The following KAT6A variants were observed in gnomAD, a reference collection of about 807,000 sequenced individuals.
The protein encoded by KAT6A is histone acetyltransferase KAT6A.
In KAT6A, 9 loss-of-function variants were observed where a neutral mutation model predicts 198.4. That is an observed-to-expected ratio of 0.05 (90% CI 0.03 to 0.08). KAT6A has a LOEUF of 0.08. Ranked by LOEUF, KAT6A falls within the 10% of genes least tolerant of loss-of-function variation. The pLI is 1.00. For missense variants in KAT6A, 2,077 were observed against 2,509.9 expected (o/e 0.83, Z 3.69); for synonymous variants, 890 against 883.0 (o/e 1.01, Z -0.14).
At chr8:41,963,435 T>G (rs749199296) in intron 8 of KAT6A, among the ~76,000 whole-genome samples, 2 of 152,216 alleles carry the variant, frequency 1.3e-5, no homozygotes, top group Non-Finnish European at 2.9e-5. Flanking sequence ...CTACTCCAAA[T>G]AGAACACTAG....
intron 8 of KAT6A, among the ~76,000 whole-genome samples, chr8:41,962,481 G>C (rs1248295745): frequency 6.6e-6 from 1 of 151,938 alleles, no homozygotes. Flanking sequence ...ATATCCCAAT[G>C]GGTCTACCTT....
intron 8 of KAT6A, among the ~76,000 whole-genome samples, chr8:41,974,080 A>AT (rs796541449): frequency 0.029 from 4,248 of 146,110 alleles, 161 homozygotes; most frequent in African/African-American, 0.091. Context: ...AAGAATTGCA[A>AT]TTTTTTTTTT....
At chr8:41,994,424 G>C (rs1825092598) in intron 2 of KAT6A, among the ~76,000 whole-genome samples, 1 of 151,892 alleles carries the variant, frequency 6.6e-6, no homozygotes, top group African/African-American at 2.4e-5. Context: ...CTCCACTCCA[G>C]CTTCCTTGCT....
chr8:42,024,431 T>C (rs777787619), intron 2 of KAT6A, among the ~76,000 whole-genome samples: 3 of 152,228 alleles, frequency 2.0e-5, no homozygotes, highest in Non-Finnish European at 2.9e-5. Flanking sequence ...ACCTCAAACA[T>C]TTATCATTTG....
At chr8:41,970,652 A>C (rs1368180388) in intron 8 of KAT6A, among the ~76,000 whole-genome samples, 1 of 152,160 alleles carries the variant, frequency 6.6e-6, no homozygotes, top group Non-Finnish European at 1.5e-5. Flanking sequence ...AGAATCATGG[A>C]AGACAGTGTG....
chr8:42,028,419 T>G (rs919538621), intron 2 of KAT6A, among the ~76,000 whole-genome samples: 2 of 152,210 alleles, frequency 1.3e-5, no homozygotes, highest in Non-Finnish European at 1.5e-5. Context: ...GCTCCTATAT[T>G]GGGTGCGTAT....
intron 8 of KAT6A, among the ~76,000 whole-genome samples, chr8:41,971,613 T>C (rs1197274942): frequency 6.8e-6 from 1 of 147,004 alleles, no homozygotes; most frequent in Non-Finnish European, 1.5e-5. Context: ...ACAGACTCTT[T>C]TTTTTTTTTT....
intron 2 of KAT6A, among the ~76,000 whole-genome samples, chr8:42,027,397 G>A (rs1250158307): frequency 1.3e-5 from 2 of 152,154 alleles, no homozygotes; most frequent in African/African-American, 2.4e-5. Flanking sequence ...AAATTCAGCA[G>A]GTAGAATTGA....
At chr8:42,006,889 G>A (rs772018175) in intron 2 of KAT6A, among the ~76,000 whole-genome samples, 4 of 151,610 alleles carry the variant, frequency 2.6e-5, no homozygotes, top group African/African-American at 4.9e-5. Context: ...CCAGCTACTT[G>A]GGAGGCTGAG....
chr8:41,987,801 G>C (rs958544078), intron 2 of KAT6A, among the ~76,000 whole-genome samples: 1 of 152,166 alleles, frequency 6.6e-6, no homozygotes, highest in Non-Finnish European at 1.5e-5. Context: ...TCCCAGTCAT[G>C]TTCATCACTT....
rs1427583709 is a variant in KAT6A, at chr8:42,013,261, T to C, written c.601-25698A>G. Among the ~76,000 whole-genome samples the C allele has an allele frequency of 5.9e-4, 9 of 15,146 alleles. 1 individual carries two copies. The highest frequency in any genetic ancestry group is 2.8e-3 in the Admixed American group (6 of 2,140). The allele number at this position is 15,146 out of a possible 152,430, so 9.9% of individuals were successfully genotyped here. On this transcript the variant is annotated intron_variant, in intron 2 of 16. Transcript: ENST00000265713. ...TGGCTCTGTCATTTTTCTTTCTTTC[T>C]TTTTTTTTTTTTTTAGATGGAGTCT...
intron 2 of KAT6A, among the ~76,000 whole-genome samples, chr8:42,042,969 A>G (rs1205063936): frequency 6.6e-6 from 1 of 152,208 alleles, no homozygotes; most frequent in African/African-American, 2.4e-5. Context: ...ATAATTTTTT[A>G]AATGGACCAT....
intron 4 of KAT6A, among the ~76,000 whole-genome samples, chr8:41,981,404 A>G (rs1399954316): frequency 6.6e-6 from 1 of 152,136 alleles, no homozygotes; most frequent in African/African-American, 2.4e-5. Context: ...AGAGTTAGCA[A>G]AAAGTTATGT....
intron 15 of KAT6A, among the ~76,000 whole-genome samples, chr8:41,938,948 G>C (rs1309119649): frequency 7.1e-6 from 1 of 141,504 alleles, no homozygotes; most frequent in Non-Finnish European, 1.5e-5. Context: ...ACCCCATCTG[G>C]GGAAGGAAAA....
chr8:41,934,083 G>C lies in KAT6A; in HGVS notation c.4137C>G (p.Ser1379=), dbSNP rs746823094. 1.9e-6 allele frequency: 3 copies of C among 1,614,090 alleles called. No individual in the cohort carries two copies. The highest frequency in any genetic ancestry group is 4.5e-5 in the East Asian group (2 of 44,876). ...TELDSEEEQP[S]HDTSVVSEQM... ...GCTCTGACACCACGGACGTGTCATG[G>C]GAAGGCTGCTCCTCTTCGGAATCCA... The change falls in exon 17 of 17, where the codon TCC becomes TCG. Residue 1379 remains serine (S), a synonymous_variant. Transcript: ENST00000265713.
chr8:41,945,369 CA>C (rs1822325317), intron 12 of KAT6A, among the ~76,000 whole-genome samples: 1 of 151,148 alleles, frequency 6.6e-6, no homozygotes, highest in Non-Finnish European at 1.5e-5. Context: ...CTCCCGGGTT[CA>C]AGCAATTCTT....
chr8:42,040,971 T>C (rs1214679887), intron 2 of KAT6A, among the ~76,000 whole-genome samples: 1 of 151,832 alleles, frequency 6.6e-6, no homozygotes. Flanking sequence ...TCCCAGCACT[T>C]TGGGAAGCCA....
In KAT6A at chr8:41,943,945, C is replaced by A. The variant is rs780368723; in HGVS notation, c.2031G>T (p.Gly677=). Residue 677 remains glycine, a synonymous_variant, in exon 13 of 17, where the codon GGG becomes GGT. Transcript: ENST00000265713. ...YLLSKREGQA[G]SPEKPLSDLG... ...GATCAGATAACGGTTTCTCTGGAGACCCTGCTTGGCCTTCACGCTTTGATA... is the reference window on the plus strand; with the variant it reads ...GATCAGATAACGGTTTCTCTGGAGAACCTGCTTGGCCTTCACGCTTTGATA... 2 of 1,613,790 alleles carry A rather than the reference C, an allele frequency of 1.2e-6. No homozygotes were observed. Among genetic ancestry groups the A allele is most frequent in the Non-Finnish European group, 1.7e-6 (2 of 1,179,926 alleles).
chr8:41,955,721 A>T (rs1054688542), intron 8 of KAT6A, among the ~76,000 whole-genome samples: 2 of 152,212 alleles, frequency 1.3e-5, no homozygotes, highest in Non-Finnish European at 2.9e-5. Context: ...TATTAAAGAG[A>T]AACTGCTGAT....
Sources: allele counts gnomAD v4.1 joint callset (sites outside exome capture counted in the v4.1 genomes callset), GRCh38; gene constraint gnomAD v4.1.1; transcripts MANE v1.5; gene names NCBI Gene and HGNC (gene_info 2026-07-23, HGNC 2026-07-21).